The following PPARGC1A variants were observed in gnomAD, a reference collection of about 807,000 sequenced individuals.
PPARGC1A encodes peroxisome proliferator-activated receptor gamma coactivator 1-alpha.
In PPARGC1A, 25 loss-of-function variants were observed where a neutral mutation model predicts 88.7. That is an observed-to-expected ratio of 0.28 (90% confidence interval 0.21 to 0.39). PPARGC1A has a LOEUF of 0.39. Among genes scored for constraint, PPARGC1A ranks in the 10% least tolerant of loss-of-function variants. The pLI is 1.00. For synonymous variants in PPARGC1A, 363 were observed against 355.6 expected (o/e 1.02, Z -0.24); for missense variants, 880 against 968.7 (o/e 0.91, Z 1.22).
chr4:24,032,940 A>T, the PPARGC1A span, among the ~76,000 whole-genome samples: 1 of 152,226 alleles, frequency 6.6e-6, no homozygotes, highest in Non-Finnish European at 1.5e-5. Flanking sequence ...ATATCTCAAA[A>T]ACCTTACACA....
At chr4:24,294,614 T>G in the PPARGC1A span, among the ~76,000 whole-genome samples, 1 of 152,174 alleles carries the variant, frequency 6.6e-6, no homozygotes, top group Non-Finnish European at 1.5e-5. Context: ...AAGTTTGCTG[T>G]GGGTAAAGAA....
At chr4:23,862,948 C>T (rs1577557533) in intron 2 of PPARGC1A, among the ~76,000 whole-genome samples, 1 of 152,180 alleles carries the variant, frequency 6.6e-6, no homozygotes, top group East Asian at 1.9e-4. Flanking sequence ...AGCCGCCCCA[C>T]CTGCTTTACA....
chr4:23,824,432 T>C, intron 6 of PPARGC1A, 31 bp downstream of exon 6: 1 of 1,606,844 alleles, frequency 6.2e-7, no homozygotes, highest in South Asian at 1.1e-5. Flanking sequence ...CCCTTCCCTT[T>C]CAGAAAATGG....
chr4:24,031,597 T>A, the PPARGC1A span, among the ~76,000 whole-genome samples: 2 of 152,168 alleles, frequency 1.3e-5, no homozygotes, highest in Non-Finnish European at 2.9e-5. Flanking sequence ...CAGGCACTAC[T>A]CACACTCTGG....
the PPARGC1A span, among the ~76,000 whole-genome samples, chr4:24,457,384 T>C: frequency 6.6e-6 from 1 of 152,216 alleles, no homozygotes; most frequent in South Asian, 2.1e-4. Context: ...TAATGTTTCA[T>C]CTTGAATATG....
At chr4:23,830,884 ACT>A (rs1724872240) in intron 3 of PPARGC1A, among the ~76,000 whole-genome samples, 1 of 152,184 alleles carries the variant, frequency 6.6e-6, no homozygotes, top group Admixed American at 6.5e-5. Flanking sequence ...AATTTAAGTA[ACT>A]TGGGTGGCAA....
chr4:24,116,587 G>A, the PPARGC1A span, among the ~76,000 whole-genome samples: 1 of 152,190 alleles, frequency 6.6e-6, no homozygotes, highest in Non-Finnish European at 1.5e-5. Flanking sequence ...TCTAGAAGCT[G>A]ATTGTGAGCA....
chr4:23,924,265 C>T, the PPARGC1A span, among the ~76,000 whole-genome samples: 39 of 152,334 alleles, frequency 2.6e-4, 1 homozygote, highest in East Asian at 7.5e-3. Context: ...TGAGATTCCT[C>T]ACTCCCTTTT....
the PPARGC1A span, among the ~76,000 whole-genome samples, chr4:24,095,115 CT>C: frequency 0.22 from 26,734 of 122,000 alleles, 2,759 homozygotes; most frequent in Middle Eastern, 0.33. Context: ...GAAATAGGGT[CT>C]TTTTTTTTTT....
At chr4:24,191,452 T>C in the PPARGC1A span, among the ~76,000 whole-genome samples, 3 of 152,188 alleles carry the variant, frequency 2.0e-5, no homozygotes, top group Admixed American at 6.5e-5. Flanking sequence ...CCTAAGCCAA[T>C]GCTTTTTCCA....
rs1292424121 is a variant in PPARGC1A at position 23,890,003 on chromosome 4, C to T, written c.-46G>A. On this transcript the variant is annotated 5_prime_UTR_variant, in exon 1 of 13. In the 5' UTR this introduces an upstream ATG that the reference lacks. Coordinates refer to ENST00000264867, the MANE Select transcript of PPARGC1A (RefSeq NM_013261.5). ...GTCAAGCTTTTTCAACTCCAATCCACAGTGACACAGAGCACACACTCATGC... is the reference window on the plus strand; with the variant it reads ...GTCAAGCTTTTTCAACTCCAATCCATAGTGACACAGAGCACACACTCATGC... The T allele has an allele frequency of 5.6e-6, 9 of 1,611,834 alleles. No homozygotes were observed. Among genetic ancestry groups the T allele is most frequent in the East Asian group, 2.2e-5 (1 of 44,854 alleles).
At chr4:24,363,191 T>A in the PPARGC1A span, among the ~76,000 whole-genome samples, 561 of 152,334 alleles carry the variant, frequency 3.7e-3, 6 homozygotes, top group African/African-American at 0.013. Flanking sequence ...ATAAACATTG[T>A]ATTTGTTCCG....
chr4:24,356,067 C>T, the PPARGC1A span, among the ~76,000 whole-genome samples: 4 of 151,924 alleles, frequency 2.6e-5, no homozygotes, highest in Admixed American at 1.3e-4. Context: ...CGTGGTGGCG[C>T]GTGCCTGTAA....
the PPARGC1A span, among the ~76,000 whole-genome samples, chr4:24,140,448 T>C: frequency 6.6e-6 from 1 of 152,134 alleles, no homozygotes; most frequent in Non-Finnish European, 1.5e-5. Context: ...ACCGGGTCAT[T>C]GGACAATGCT....
At chr4:23,962,561 G>T in the PPARGC1A span, among the ~76,000 whole-genome samples, 1 of 152,148 alleles carries the variant, frequency 6.6e-6, no homozygotes, top group African/African-American at 2.4e-5. Flanking sequence ...CAAACTGGGT[G>T]TTGGAAACTC....
chr4:23,808,793 C>G (rs1366002466), intron 10 of PPARGC1A, among the ~76,000 whole-genome samples: 1 of 152,134 alleles, frequency 6.6e-6, no homozygotes. Flanking sequence ...GCTCACTCAA[C>G]TTGGGCTGAA....
the PPARGC1A span, among the ~76,000 whole-genome samples, chr4:24,373,455 G>A: frequency 6.6e-6 from 1 of 152,174 alleles, no homozygotes. Flanking sequence ...AAGCTGGAAG[G>A]GAACACGCTA....
At chr4:24,238,851 G>T in the PPARGC1A span, among the ~76,000 whole-genome samples, 2 of 151,292 alleles carry the variant, frequency 1.3e-5, no homozygotes, top group Non-Finnish European at 2.9e-5. Flanking sequence ...TTACATGTAG[G>T]TGTGTACCCA....
the PPARGC1A span, among the ~76,000 whole-genome samples, chr4:24,084,319 G>C: frequency 1.3e-5 from 2 of 152,222 alleles, no homozygotes; most frequent in Admixed American, 1.3e-4. Context: ...AACTCAAGAA[G>C]ACAGAAATGA....
Sources: gnomAD v4.1 joint callset for allele counts (sites outside exome capture counted in the v4.1 genomes callset) on GRCh38, gnomAD v4.1.1 for gene constraint, MANE v1.5 for transcripts, NCBI Gene and HGNC (gene_info 2026-07-23, HGNC 2026-07-21) for gene names.